Variants in SLC9A7 observed in about 807,000 individuals in gnomAD.
The protein encoded by SLC9A7 is sodium/hydrogen exchanger 7.
SLC9A7 carries 19 observed loss-of-function variants against 52.6 expected under a neutral mutation model. The ratio of observed to expected loss-of-function variants is 0.36; its 90% CI spans 0.25 to 0.53. SLC9A7 has a LOEUF of 0.53. Among genes scored for constraint, SLC9A7 ranks in the 20% least tolerant of loss-of-function variants. SLC9A7 has a pLI of 0.91. For synonymous variants in SLC9A7, 226 were observed against 252.1 expected (o/e 0.90, Z 0.98); for missense variants, 455 against 597.9 (o/e 0.76, Z 2.49).
At chrX:46,680,174 C>A (rs1944189066) in intron 2 of SLC9A7, among the ~76,000 whole-genome samples, 1 of 109,787 alleles carries the variant, frequency 9.1e-6, no homozygotes, top group African/African-American at 3.3e-5. Context: ...TATGGTGAAA[C>A]CCCATCTCTA....
chrX:46,699,530 T>C (rs1944498592), intron 1 of SLC9A7, among the ~76,000 whole-genome samples: 1 of 111,726 alleles, frequency 9.0e-6, no homozygotes, highest in Non-Finnish European at 1.9e-5. Context: ...CTCATTCTAG[T>C]TGGGGCCTGT....
intron 5 of SLC9A7, among the ~76,000 whole-genome samples, chrX:46,667,915 G>A (rs1160827158): frequency 8.9e-6 from 1 of 111,962 alleles, no homozygotes; most frequent in Non-Finnish European, 1.9e-5. Context: ...GAGCTGCAAG[G>A]GAGGGTGTAA....
chrX:46,698,852 G>A (rs1254530278), intron 1 of SLC9A7, among the ~76,000 whole-genome samples: 2 of 111,906 alleles, frequency 1.8e-5, no homozygotes, highest in African/African-American at 6.5e-5. Flanking sequence ...AGAATCTGGA[G>A]TGTGGGGGAG....
chrX:46,729,489 G>C (rs746173808), intron 1 of SLC9A7, among the ~76,000 whole-genome samples: 15 of 111,840 alleles, frequency 1.3e-4, no homozygotes, highest in Non-Finnish European at 2.6e-4. Flanking sequence ...ATTATCTCTT[G>C]CTGGCTGGGC....
chrX:46,653,791 A>G, intron 7 of SLC9A7, 77 bp from the exon 8 acceptor site: 1 of 694,750 alleles, frequency 1.4e-6, no homozygotes, highest in Non-Finnish European at 2.1e-6. Flanking sequence ...CTAGCCCAGG[A>G]CCCCTCCCCA....
At chrX:46,620,882 T>A in intron 15 of SLC9A7, 95 bp downstream of exon 15, 3 of 629,852 alleles carry the variant, frequency 4.8e-6, no homozygotes, top group Non-Finnish European at 7.6e-6. Flanking sequence ...CAAGCATGCA[T>A]CTTTCCTTAC....
intron 5 of SLC9A7, among the ~76,000 whole-genome samples, chrX:46,669,265 C>A (rs745426809): frequency 3.6e-5 from 4 of 109,848 alleles, no homozygotes; most frequent in Non-Finnish European, 7.6e-5. Flanking sequence ...AAATTGCATG[C>A]CCTTCTTAGA....
At chrX:46,657,017 G>T (rs1255410641) in intron 7 of SLC9A7, among the ~76,000 whole-genome samples, 11 of 105,876 alleles carry the variant, frequency 1.0e-4, no homozygotes, top group African/African-American at 2.8e-4. Flanking sequence ...GACTAACAGC[G>T]GATCTCTCGG....
intron 7 of SLC9A7, among the ~76,000 whole-genome samples, chrX:46,655,957 G>C (rs949182117): frequency 7.1e-5 from 8 of 111,949 alleles, no homozygotes; most frequent in African/African-American, 2.0e-4. Context: ...AACCTCCGCA[G>C]ACTTAAATGT....
intron 3 of SLC9A7, 148 bp from the exon 4 acceptor site, chrX:46,672,775 G>A (rs1257186068): frequency 1.8e-5 from 8 of 438,889 alleles, no homozygotes; most frequent in Non-Finnish European, 2.7e-5. Flanking sequence ...CCTATATGGT[G>A]TTATTTAACC....
chrX:46,695,292 T>C (rs930846281), intron 1 of SLC9A7, among the ~76,000 whole-genome samples: 1 of 112,948 alleles, frequency 8.9e-6, no homozygotes, highest in Non-Finnish European at 1.9e-5. Context: ...TAGTGTTCCA[T>C]ACTTTTCCAA....
intron 1 of SLC9A7, among the ~76,000 whole-genome samples, chrX:46,699,691 T>G (rs1944501119): frequency 3.6e-5 from 4 of 111,777 alleles, no homozygotes; most frequent in Admixed American, 1.9e-4. Context: ...CCCATCTGGC[T>G]CCTTTATCTC....
intron 1 of SLC9A7, among the ~76,000 whole-genome samples, chrX:46,758,501 C>T (rs1041028081): frequency 8.0e-5 from 9 of 111,888 alleles, no homozygotes; most frequent in Non-Finnish European, 1.7e-4. Flanking sequence ...AATGCAGAAA[C>T]GTGGAATAGG....
chrX:46,752,129 A>G (rs1445955753), intron 1 of SLC9A7, among the ~76,000 whole-genome samples: 1 of 111,940 alleles, frequency 8.9e-6, no homozygotes, highest in East Asian at 2.8e-4. Flanking sequence ...AGGCTGCAAT[A>G]TTTGTTTTCT....
rs187606301 is a variant in SLC9A7, at chrX:46,611,782, C to T, written c.1929+1507G>A. ...CATGGTGACTTGGCAGTTGTCATCC[C>T]TGTTCTTGAAGGAAGAGCGTGCCAT... On this transcript the variant is annotated intron_variant, in intron 16 of 16. Transcript: ENST00000616978. Among the ~76,000 whole-genome samples, 881 of 112,218 alleles carry T rather than the reference C, an allele frequency of 7.9e-3. 6 individuals are homozygous for T. Among genetic ancestry groups the T allele is most frequent in the African/African-American group, 0.027 (841 of 30,868 alleles).
intron 1 of SLC9A7, among the ~76,000 whole-genome samples, chrX:46,730,670 T>TTATATATATA (rs57157177): frequency 0.051 from 2,163 of 42,447 alleles, 251 homozygotes; most frequent in Non-Finnish European, 0.079. Flanking sequence ...AAAAAAAAAA[T>TTATATATATA]TATATATATA....
intron 1 of SLC9A7, among the ~76,000 whole-genome samples, chrX:46,724,759 A>T (rs1300023795): frequency 8.9e-6 from 1 of 111,784 alleles, no homozygotes; most frequent in Non-Finnish European, 1.9e-5. Flanking sequence ...TCTGAAACAT[A>T]ATATGAACAG....
chrX:46,618,434 C>A (rs957906553), intron 15 of SLC9A7, among the ~76,000 whole-genome samples: 1 of 110,687 alleles, frequency 9.0e-6, no homozygotes, highest in Non-Finnish European at 1.9e-5. Context: ...CAAATTATCT[C>A]TAGATTTTTT....
At chrX:46,622,929 T>A (rs1185344691) in intron 14 of SLC9A7, among the ~76,000 whole-genome samples, 1 of 111,706 alleles carries the variant, frequency 9.0e-6, no homozygotes, top group Non-Finnish European at 1.9e-5. Flanking sequence ...ATGTAAGAAC[T>A]AAGAAACAAC....
Sources: allele counts gnomAD v4.1 joint callset (sites outside exome capture counted in the v4.1 genomes callset), GRCh38; gene constraint gnomAD v4.1.1; transcripts MANE v1.5; gene names NCBI Gene and HGNC (gene_info 2026-07-23, HGNC 2026-07-21).